Variants in MICAL2 observed in about 807,000 individuals in gnomAD.
The protein encoded by MICAL2 is microtubule associated monooxygenase, calponin and LIM domain containing 2, also known as [F-actin]-monooxygenase MICAL2.
Under a neutral mutation model 127.3 loss-of-function variants are expected in MICAL2, and 77 were observed. The ratio of observed to expected loss-of-function variants is 0.60; its 90% CI spans 0.50 to 0.73. MICAL2 has a LOEUF of 0.73. MICAL2 is among the 30% of genes least tolerant of loss of function. The pLI is 0.00. For synonymous variants in MICAL2, 570 were observed against 551.1 expected, an observed-to-expected ratio of 1.03 and a Z score of -0.48; for missense variants, 1,351 against 1,434.4, an observed-to-expected ratio of 0.94 and a Z score of 0.94.
chr11:12,292,060 A>T, downstream of MICAL2: 1 of 1,476,424 alleles, frequency 6.8e-7, no homozygotes, highest in Admixed American at 2.0e-5. Flanking sequence ...TGTTTATAGA[A>T]TTGGAGCTTC....
chr11:12,276,121 AG>A lies in MICAL2; in HGVS notation c.44del (p.Asp16MetfsTer50). Reference sequence around the variant, plus strand: ...AGCCCTGGGGAGGAAGCAGCTGGACAGGATGTGCTGGCTGTGCGTGTCCTGG... The same window carrying A: ...AGCCCTGGGGAGGAAGCAGCTGGACAGATGTGCTGGCTGTGCGTGTCCTGG... On this transcript the variant is annotated frameshift_variant, in exon 1 of 3. Coordinates refer to the MICAL2 transcript ENST00000529028. LOFTEE classifies it high-confidence loss of function. The A allele has an allele frequency of 2.5e-6, 1 of 399,236 alleles. No homozygotes were observed. Among genetic ancestry groups the A allele is most frequent in the Non-Finnish European group, 4.4e-6 (1 of 226,186 alleles). 24.7% of individuals were successfully genotyped at this position (399,236 alleles called of 1,614,324 possible).
At chr11:12,317,911 G>A (rs1864248936) in intron 29 of MICAL2, among the ~76,000 whole-genome samples, 1 of 152,004 alleles carries the variant, frequency 6.6e-6, no homozygotes, top group Admixed American at 6.5e-5. Context: ...CCTTATCTTT[G>A]GAAGCATTTT....
At chr11:12,297,627 C>T (rs924716126) in intron 29 of MICAL2, among the ~76,000 whole-genome samples, 3 of 151,990 alleles carry the variant, frequency 2.0e-5, no homozygotes, top group Admixed American at 2.0e-4. Context: ...CTCACAGTTT[C>T]TTCTAGTCTT....
chr11:12,155,463 T>C lies in MICAL2; in HGVS notation c.-77-6616T>C, dbSNP rs987371735. 7.2e-5 allele frequency among the ~76,000 whole-genome samples: 11 copies of C among 152,068 alleles called. 1 individual carries two copies. The highest frequency in any genetic ancestry group is 6.6e-4 in the Admixed American group (10 of 15,250). On this transcript the variant is annotated intron_variant, in intron 2 of 27. Coordinates refer to ENST00000683283, the MANE Select transcript of MICAL2 (RefSeq NM_001282663.2). The stretch of plus-strand genomic sequence containing the variant: ...ATACACACATGCACACATATACACA[T>C]ACATGTACACATGTATACCCCTGCA...
intron 6 of MICAL2, among the ~76,000 whole-genome samples, chr11:12,212,742 TTTG>T (rs1855645318): frequency 2.5e-5 from 3 of 118,142 alleles, no homozygotes; most frequent in African/African-American, 1.1e-4. Flanking sequence ...AACACATGAA[TTTG>T]TGTGTGTGTG....
intron 15 of MICAL2, among the ~76,000 whole-genome samples, chr11:12,232,577 G>A (rs750717600): frequency 3.9e-5 from 6 of 152,086 alleles, no homozygotes; most frequent in Non-Finnish European, 2.9e-5. Flanking sequence ...ACAAAAATTA[G>A]CCTGCGTGGT....
At chr11:12,118,166 C>A (rs1157599891) in intron 1 of MICAL2, among the ~76,000 whole-genome samples, 2 of 152,178 alleles carry the variant, frequency 1.3e-5, no homozygotes, top group African/African-American at 2.4e-5. Flanking sequence ...CTTGGGCTTT[C>A]TTAAAAGTGA....
At chr11:12,113,266 G>C (rs1009321010) in intron 1 of MICAL2, among the ~76,000 whole-genome samples, 1 of 152,194 alleles carries the variant, frequency 6.6e-6, no homozygotes, top group Non-Finnish European at 1.5e-5. Flanking sequence ...TTACAACTTG[G>C]CCGGGTGTGG....
At chr11:12,334,976 G>A (rs1938723162) in intron 32 of MICAL2, among the ~76,000 whole-genome samples, 1 of 152,020 alleles carries the variant, frequency 6.6e-6, no homozygotes, top group Admixed American at 6.5e-5. Flanking sequence ...CCAGTAATGG[G>A]ATTGCTGGGT....
At chr11:12,349,785 T>C in intron 32 of MICAL2, 1 of 1,567,950 alleles carries the variant, frequency 6.4e-7, no homozygotes, top group East Asian at 2.2e-5. Flanking sequence ...AGCAGTTTGA[T>C]CATGGGGAGA....
At chr11:12,285,044 C>T (rs912490397) in intron 2 of MICAL2, among the ~76,000 whole-genome samples, 1 of 152,170 alleles carries the variant, frequency 6.6e-6, no homozygotes, top group African/African-American at 2.4e-5. Context: ...AAATCAGTCT[C>T]CCTGAAAACT....
chr11:12,193,333 C>T (rs1274338489), intron 3 of MICAL2, among the ~76,000 whole-genome samples: 1 of 152,216 alleles, frequency 6.6e-6, no homozygotes. Flanking sequence ...GGAACAGCTG[C>T]TCAACTCAGA....
intron 6 of MICAL2, among the ~76,000 whole-genome samples, chr11:12,212,747 G>C (rs1855648287): frequency 6.6e-6 from 1 of 151,960 alleles, no homozygotes; most frequent in African/African-American, 2.4e-5. Flanking sequence ...ATGAATTTGT[G>C]TGTGTGTGTG....
intron 15 of MICAL2, among the ~76,000 whole-genome samples, chr11:12,229,800 C>T (rs1052560020): frequency 7.9e-5 from 12 of 152,220 alleles, no homozygotes; most frequent in Non-Finnish European, 1.5e-4. Flanking sequence ...CTGCCCAGCC[C>T]AATTCTGGCC....
At chr11:12,177,515 G>A (rs910478961) in intron 3 of MICAL2, among the ~76,000 whole-genome samples, 6 of 152,274 alleles carry the variant, frequency 3.9e-5, no homozygotes, top group African/African-American at 1.2e-4. Context: ...AGTCAAATTT[G>A]TCTATTTTTC....
At chr11:12,215,738 C>T (rs1856062612) in intron 7 of MICAL2, among the ~76,000 whole-genome samples, 1 of 152,206 alleles carries the variant, frequency 6.6e-6, no homozygotes, top group African/African-American at 2.4e-5. Flanking sequence ...TACCACTGCA[C>T]TCGGGTTTTC....
downstream of MICAL2, chr11:12,292,099 A>C (rs1863910528): frequency 1.3e-6 from 2 of 1,577,576 alleles, no homozygotes; most frequent in Non-Finnish European, 1.7e-6. Flanking sequence ...TCTTGATAAA[A>C]TAATAACACC....
chr11:12,323,944 C>T, intron 30 of MICAL2: 1 of 1,582,480 alleles, frequency 6.3e-7, no homozygotes, highest in Admixed American at 1.9e-5. Context: ...CCATTTTTCT[C>T]TGACATAATT....
intron 8 of MICAL2, among the ~76,000 whole-genome samples, chr11:12,216,738 T>C (rs1856202418): frequency 6.6e-6 from 1 of 152,162 alleles, no homozygotes; most frequent in African/African-American, 2.4e-5. Context: ...GGAATTTCAT[T>C]ATTCATGCAG....
Sources: gnomAD v4.1 joint callset for allele counts (sites outside exome capture counted in the v4.1 genomes callset) on GRCh38, gnomAD v4.1.1 for gene constraint, MANE v1.5 for transcripts, NCBI Gene and HGNC (gene_info 2026-07-23, HGNC 2026-07-21) for gene names.